The following SLC16A7 variants were observed in gnomAD, a reference collection of about 807,000 sequenced individuals.
SLC16A7 encodes solute carrier family 16 member 7.
A neutral mutation model predicts 34.9 loss-of-function variants in SLC16A7; 33 were observed. That is an observed-to-expected ratio of 0.94 (90% CI 0.72 to 1.26). The LOEUF (loss-of-function observed/expected upper bound fraction) is 1.26, where lower values mean the gene tolerates loss of function less well. SLC16A7 is among the 50% of genes most tolerant of loss of function. The pLI, the probability that SLC16A7 is intolerant of heterozygous loss-of-function variation, is 0.00. For synonymous variants in SLC16A7, 201 were observed against 206.6 expected (o/e 0.97, Z 0.23); for missense variants, 573 against 578.1 (o/e 0.99, Z 0.09).
chr12:59,600,236 T>A (rs571995613), intron 1 of SLC16A7, among the ~76,000 whole-genome samples: 1 of 152,366 alleles, frequency 6.6e-6, no homozygotes, highest in East Asian at 1.9e-4. Flanking sequence ...TTTTAGTTTA[T>A]CATAAGCATC....
chr12:59,662,800 G>A (rs886724186), intron 2 of SLC16A7, among the ~76,000 whole-genome samples: 5 of 152,082 alleles, frequency 3.3e-5, no homozygotes, highest in African/African-American at 4.8e-5. Flanking sequence ...TATTTGCTAT[G>A]TGTTTTACAC....
intron 3 of SLC16A7, among the ~76,000 whole-genome samples, chr12:59,740,186 T>C (rs925376438): frequency 9.9e-5 from 15 of 151,528 alleles, no homozygotes; most frequent in African/African-American, 3.4e-4. Flanking sequence ...AGGTCTAACG[T>C]TTAAGTCTTT....
intron 3 of SLC16A7, among the ~76,000 whole-genome samples, chr12:59,762,243 G>A (rs753229739): frequency 2.4e-4 from 36 of 152,062 alleles, no homozygotes; most frequent in Non-Finnish European, 4.7e-4. Flanking sequence ...AATGCAATGG[G>A]ATGAATATGG....
At chr12:59,751,186 G>A (rs1396350985) in intron 3 of SLC16A7, among the ~76,000 whole-genome samples, 6 of 152,312 alleles carry the variant, frequency 3.9e-5, no homozygotes, top group South Asian at 2.1e-4. Flanking sequence ...CGCAGAAGAC[G>A]GGTGATTTCT....
chr12:59,691,156 G>A (rs1284833917), intron 2 of SLC16A7, among the ~76,000 whole-genome samples: 9 of 151,994 alleles, frequency 5.9e-5, no homozygotes, highest in African/African-American at 1.9e-4. Context: ...GGCATAATTT[G>A]TATAGATATG....
chr12:59,771,720 ATT>A (rs1250433075), intron 4 of SLC16A7, among the ~76,000 whole-genome samples: 2 of 152,068 alleles, frequency 1.3e-5, no homozygotes, highest in Admixed American at 6.6e-5. Flanking sequence ...TATAAAACTT[ATT>A]TTCATGACTT....
rs1878407392 is a variant in SLC16A7 at position 59,596,516 on chromosome 12, G to GA, written c.-130+280_-130+281insA. Among the ~76,000 whole-genome samples, 4 of 17,914 alleles carry GA rather than the reference G, an allele frequency of 2.2e-4. No individual in the cohort carries two copies. The highest frequency in any genetic ancestry group is 8.3e-4 in the Admixed American group (2 of 2,398). 11.8% of individuals were successfully genotyped at this position (17,914 alleles called of 152,430 possible). A position where few individuals can be genotyped will look rare whatever the true frequency, so the allele number is the denominator to read the frequency against. On this transcript the variant is annotated intron_variant, in intron 1 of 5. Transcript: ENST00000547379. The surrounding 1 kb of genome is among the most constrained non-coding windows in gnomAD (Gnocchi z 5.0). ...AGGGGGCGCGCGGGGTCCTGGGCAA[G>GA]GAGCGCCTCGCGTGCTTTCGGCCAG... is the stretch of plus-strand genomic sequence containing the variant.
At chr12:59,617,041 TTTGAG>T (rs1879485579) in intron 1 of SLC16A7, among the ~76,000 whole-genome samples, 1 of 152,086 alleles carries the variant, frequency 6.6e-6, no homozygotes, top group Non-Finnish European at 1.5e-5. Context: ...TGAATAATAT[TTTGAG>T]TTAATATTGT....
At chr12:59,652,020 G>C (rs1868350843) in intron 1 of SLC16A7, among the ~76,000 whole-genome samples, 1 of 151,872 alleles carries the variant, frequency 6.6e-6, no homozygotes, top group Admixed American at 6.6e-5. Context: ...AACATGATTG[G>C]ATGGTGCTGT....
At chr12:59,738,836 T>C (rs1877918853) in intron 3 of SLC16A7, among the ~76,000 whole-genome samples, 1 of 151,714 alleles carries the variant, frequency 6.6e-6, no homozygotes, top group Admixed American at 6.6e-5. Context: ...AAAGATTTTT[T>C]TTTTTTTAGT....
chr12:59,667,921 G>A (rs974532254), intron 2 of SLC16A7, among the ~76,000 whole-genome samples: 1 of 152,216 alleles, frequency 6.6e-6, no homozygotes, highest in Non-Finnish European at 1.5e-5. Context: ...ACGGGCCAAG[G>A]TATAGCTATA....
intron 1 of SLC16A7, among the ~76,000 whole-genome samples, chr12:59,636,630 A>G (rs1057369556): frequency 6.6e-6 from 1 of 152,092 alleles, no homozygotes; most frequent in Non-Finnish European, 1.5e-5. Flanking sequence ...CACCTAGCTA[A>G]TATGTTTTAA....
chr12:59,660,198 A>T (rs1868767525), intron 2 of SLC16A7, among the ~76,000 whole-genome samples: 1 of 151,990 alleles, frequency 6.6e-6, no homozygotes, highest in African/African-American at 2.4e-5. Flanking sequence ...ACATCATAAT[A>T]GTAATAACTG....
chr12:59,645,329 C>T (rs1200104181), intron 1 of SLC16A7, among the ~76,000 whole-genome samples: 3 of 152,096 alleles, frequency 2.0e-5, no homozygotes, highest in African/African-American at 7.2e-5. Flanking sequence ...GGCTGTGTCC[C>T]CACCCAAATC....
chr12:59,666,577 T>G (rs1366532724), intron 2 of SLC16A7, among the ~76,000 whole-genome samples: 3 of 152,100 alleles, frequency 2.0e-5, no homozygotes, highest in Non-Finnish European at 4.4e-5. Context: ...ATGCCATTCT[T>G]GTGATAGTGA....
At chr12:59,646,769 C>T (rs972478208) in intron 1 of SLC16A7, among the ~76,000 whole-genome samples, 1 of 152,172 alleles carries the variant, frequency 6.6e-6, no homozygotes, top group African/African-American at 2.4e-5. Flanking sequence ...GGGGGCTGTA[C>T]CATGCAAAGT....
chr12:59,770,613 C>T (rs1018661614), intron 3 of SLC16A7, among the ~76,000 whole-genome samples: 1 of 152,072 alleles, frequency 6.6e-6, no homozygotes, highest in Admixed American at 6.6e-5. Context: ...AACATTACTA[C>T]CTATGACTGC....
intron 3 of SLC16A7, among the ~76,000 whole-genome samples, chr12:59,749,919 G>A (rs1052897046): frequency 5.3e-5 from 8 of 152,162 alleles, no homozygotes; most frequent in Non-Finnish European, 7.4e-5. Flanking sequence ...CCAAACCAGC[G>A]CCAGACATTG....
rs200852575 is a variant in SLC16A7 at position 59,596,417 on chromosome 12, CA to C, written c.-130+188del. On this transcript the variant is annotated intron_variant, in intron 1 of 5. Transcript: ENST00000547379. The surrounding 1 kb of genome is among the most constrained non-coding windows in gnomAD (Gnocchi z 5.0). ...GTTGGCCAGCGAGCCCTTATATAGA[CA>C]AAAAAATCCCGAAGCGGCCGCGGGA... Among the ~76,000 whole-genome samples, 1 of 152,014 alleles carries C rather than the reference CA, an allele frequency of 6.6e-6. No individual in the cohort carries two copies. The highest frequency in any genetic ancestry group is 1.5e-5 in the Non-Finnish European group (1 of 68,004).
Sources: allele counts gnomAD v4.1 joint callset (sites outside exome capture counted in the v4.1 genomes callset), GRCh38; gene constraint gnomAD v4.1.1; non-coding constraint Gnocchi (gnomAD v3.1); transcripts MANE v1.5; gene names NCBI Gene and HGNC (gene_info 2026-07-23, HGNC 2026-07-21).